The following VPS13B variants were observed in gnomAD, a reference collection of about 807,000 sequenced individuals.
VPS13B encodes intermembrane lipid transfer protein VPS13B.
VPS13B carries 285 observed loss-of-function variants against 426.4 expected under a neutral mutation model. The ratio of observed to expected loss-of-function variants is 0.67; its 90% CI spans 0.61 to 0.74. The LOEUF (loss-of-function observed/expected upper bound fraction) is 0.74. Ranked by LOEUF, VPS13B falls within the 30% of genes least tolerant of loss-of-function variation. The probability of loss-of-function intolerance (pLI) is 0.00; values close to 1 mark genes in which losing one functional copy is unlikely to be tolerated. For synonymous variants in VPS13B, 1,676 were observed against 1,676.4 expected (o/e 1.00, Z 0.01); for missense variants, 4,537 against 4,782.6 (o/e 0.95, Z 1.51).
chr8:99,484,634 T>C (rs1200746276), intron 25 of VPS13B, among the ~76,000 whole-genome samples: 1 of 152,182 alleles, frequency 6.6e-6, no homozygotes, highest in Non-Finnish European at 1.5e-5. Context: ...ATTTACTGGC[T>C]AATTTTGAAA....
intron 33 of VPS13B, among the ~76,000 whole-genome samples, chr8:99,619,916 A>AATG (rs1417811586): frequency 1.4e-5 from 2 of 147,930 alleles, no homozygotes; most frequent in African/African-American, 2.5e-5. Context: ...TAATAATAAT[A>AATG]ATGTAGGCAA....
At position 99,640,481 on chromosome 8, in the gene VPS13B, T is replaced by C. The variant is rs891126312; in HGVS notation, c.5221-1330T>C. Among the ~76,000 whole-genome samples the C allele has an allele frequency of 7.9e-5, 12 of 152,208 alleles. No homozygotes were observed. The South Asian group carries it at 8.3e-4, about 11-fold the overall frequency. ...TAAGGTTTTGTCATGTTGCCCAGCCTGGTCTCGAACCCCTGGTCTCAAGCA... is the reference window on the plus strand; with the variant it reads ...TAAGGTTTTGTCATGTTGCCCAGCCCGGTCTCGAACCCCTGGTCTCAAGCA... On this transcript the variant is annotated intron_variant, in intron 33 of 61. Transcript: ENST00000357162.
chr8:99,367,891 T>C (rs1812977009), intron 19 of VPS13B, among the ~76,000 whole-genome samples: 1 of 152,064 alleles, frequency 6.6e-6, no homozygotes, highest in South Asian at 2.1e-4. Context: ...TGACCTCAGG[T>C]GATACACCCA....
At chr8:99,745,685 A>G (rs1157490241) in intron 39 of VPS13B, among the ~76,000 whole-genome samples, 1 of 152,130 alleles carries the variant, frequency 6.6e-6, no homozygotes, top group Non-Finnish European at 1.5e-5. Context: ...TACTCTATAT[A>G]GAAGTAGAGA....
At chr8:99,230,078 C>T (rs1816239374) in intron 17 of VPS13B, among the ~76,000 whole-genome samples, 1 of 152,104 alleles carries the variant, frequency 6.6e-6, no homozygotes, top group Non-Finnish European at 1.5e-5. Context: ...AACTCATTAA[C>T]CAGTTATTTT....
chr8:99,184,192 G>C (rs1207835482), intron 16 of VPS13B, among the ~76,000 whole-genome samples: 1 of 152,174 alleles, frequency 6.6e-6, no homozygotes, highest in Admixed American at 6.5e-5. Flanking sequence ...TGAACATGTA[G>C]TCTTTGTGTG....
intron 16 of VPS13B, among the ~76,000 whole-genome samples, chr8:99,187,124 A>G (rs1563590525): frequency 6.6e-6 from 1 of 152,160 alleles, no homozygotes; most frequent in Non-Finnish European, 1.5e-5. Context: ...GCCTGAAGAT[A>G]GATTAATTGT....
At chr8:99,586,684 G>A (rs191731306) in intron 33 of VPS13B, among the ~76,000 whole-genome samples, 1 of 152,204 alleles carries the variant, frequency 6.6e-6, no homozygotes, top group East Asian at 1.9e-4. Flanking sequence ...CTTTGAAAGT[G>A]CTTTACAACA....
intron 58 of VPS13B, chr8:99,867,981 G>A (rs185245382): frequency 2.2e-4 from 83 of 371,690 alleles, no homozygotes; most frequent in African/African-American, 1.4e-3. Flanking sequence ...TTTGTTGCCT[G>A]ACTTCTGAGG....
intron 16 of VPS13B, among the ~76,000 whole-genome samples, chr8:99,186,539 CA>C (rs1813230334): frequency 6.6e-6 from 1 of 151,820 alleles, no homozygotes. Flanking sequence ...TTGACAAAAA[CA>C]AAAGAGAAAA....
chr8:99,459,397 A>G (rs1818711383), intron 23 of VPS13B, among the ~76,000 whole-genome samples: 1 of 152,152 alleles, frequency 6.6e-6, no homozygotes, highest in Non-Finnish European at 1.5e-5. Flanking sequence ...GTTCATGTAC[A>G]GTCATGAGTC....
chr8:99,855,281 C>G (rs895015796), intron 56 of VPS13B, among the ~76,000 whole-genome samples: 4 of 152,086 alleles, frequency 2.6e-5, no homozygotes, highest in African/African-American at 9.7e-5. Context: ...ACTACTGAGG[C>G]TGAGGTGGGA....
At chr8:99,761,443 C>T (rs538421955) in intron 39 of VPS13B, among the ~76,000 whole-genome samples, 6 of 152,338 alleles carry the variant, frequency 3.9e-5, no homozygotes, top group African/African-American at 1.4e-4. Flanking sequence ...TACCTAATGG[C>T]TTCCCACAGC....
At chr8:99,678,123 C>G (rs1032636863) in intron 35 of VPS13B, among the ~76,000 whole-genome samples, 1 of 152,130 alleles carries the variant, frequency 6.6e-6, no homozygotes, top group Non-Finnish European at 1.5e-5. Context: ...GCCATTTTCT[C>G]TCTTCTCTCT....
intron 17 of VPS13B, among the ~76,000 whole-genome samples, chr8:99,217,262 C>T (rs2132815895): frequency 6.6e-6 from 1 of 152,284 alleles, no homozygotes; most frequent in Middle Eastern, 3.4e-3. Context: ...TATACTAACA[C>T]ATTTAATCCT....
chr8:99,470,352 G>T (rs144738967), intron 24 of VPS13B, among the ~76,000 whole-genome samples: 51 of 152,172 alleles, frequency 3.4e-4, no homozygotes, highest in African/African-American at 1.2e-3. Context: ...TAATTGAATT[G>T]CAAAATGACT....
intron 39 of VPS13B, among the ~76,000 whole-genome samples, chr8:99,741,390 C>T (rs1283144242): frequency 6.6e-6 from 1 of 152,124 alleles, no homozygotes; most frequent in Non-Finnish European, 1.5e-5. Context: ...CTTTAACACC[C>T]CACTGTCAAC....
At chr8:99,310,707 G>A (rs1800618887) in intron 19 of VPS13B, among the ~76,000 whole-genome samples, 1 of 152,178 alleles carries the variant, frequency 6.6e-6, no homozygotes, top group Admixed American at 6.5e-5. Context: ...CTCATAAAAT[G>A]AGTTAGGGAG....
intron 28 of VPS13B, among the ~76,000 whole-genome samples, chr8:99,509,834 A>G (rs960724210): frequency 6.8e-6 from 1 of 146,612 alleles, no homozygotes; most frequent in Non-Finnish European, 1.5e-5. Flanking sequence ...ATGTCTATTA[A>G]TTGGTTGAGG....
Sources: gnomAD v4.1 joint callset for allele counts (sites outside exome capture counted in the v4.1 genomes callset) on GRCh38, gnomAD v4.1.1 for gene constraint, MANE v1.5 for transcripts, NCBI Gene and HGNC (gene_info 2026-07-23, HGNC 2026-07-21) for gene names.